The following NEIL3 variants were observed in gnomAD, a reference collection of about 807,000 sequenced individuals.
The protein encoded by NEIL3 is endonuclease 8-like 3.
NEIL3 carries 48 observed loss-of-function variants against 57.5 expected under a neutral mutation model. The ratio of observed to expected loss-of-function variants is 0.83; its 90% confidence interval spans 0.66 to 1.06. NEIL3 has a LOEUF of 1.06. Among genes scored for constraint, NEIL3 ranks in the 50% least tolerant of loss-of-function variants. The pLI is 0.00. For missense variants in NEIL3, 717 were observed against 739.1 expected (o/e 0.97, Z 0.35); for synonymous variants, 261 against 253.2 (o/e 1.03, Z -0.29).
chr4:177,341,484 A>G lies in NEIL3; in HGVS notation c.711A>G (p.Lys237=), dbSNP rs778996843. 2 of 1,574,394 alleles carry G rather than the reference A, an allele frequency of 1.3e-6. No homozygotes were observed. Among genetic ancestry groups the G allele is most frequent in the Admixed American group, 1.9e-5 (1 of 51,886 alleles). The change falls in exon 6 of 10, where the codon AAA becomes AAG. Residue 237 remains lysine, a synonymous_variant. Coordinates refer to ENST00000264596, the MANE Select transcript of NEIL3 (RefSeq NM_018248.3). ...DFSILFYRCR[K]AGLALSKHYK... ...GTTTTTTTTTTTTTTAGTGCCGTAA[A>G]GCAGGACTTGCTCTCTCTAAACACT...
At chr4:177,346,428 C>T (rs564294788) in intron 6 of NEIL3, among the ~76,000 whole-genome samples, 2 of 152,230 alleles carry the variant, frequency 1.3e-5, no homozygotes, top group East Asian at 3.9e-4. Context: ...CTCAGCTGTC[C>T]AGAGTGTTGG....
At chr4:177,338,892 T>C (rs1424166926) in intron 4 of NEIL3, among the ~76,000 whole-genome samples, 1 of 152,172 alleles carries the variant, frequency 6.6e-6, no homozygotes, top group African/African-American at 2.4e-5. Flanking sequence ...CTTCTCAAGG[T>C]GTCTGATAGA....
intron 8 of NEIL3, among the ~76,000 whole-genome samples, chr4:177,358,284 G>A (rs568097101): frequency 1.1e-4 from 16 of 152,130 alleles, no homozygotes; most frequent in African/African-American, 2.4e-4. Flanking sequence ...AAGATCACAC[G>A]TGGCTATGTT....
intron 6 of NEIL3, among the ~76,000 whole-genome samples, chr4:177,347,578 G>T (rs1487819175): frequency 6.6e-6 from 1 of 152,160 alleles, no homozygotes; most frequent in Non-Finnish European, 1.5e-5. Context: ...GTGTGGAATA[G>T]AGACGGTCAT....
chr4:177,363,120 T>C (rs984694336), downstream of NEIL3, among the ~76,000 whole-genome samples: 3 of 152,248 alleles, frequency 2.0e-5, no homozygotes, highest in Non-Finnish European at 4.4e-5. Flanking sequence ...GAGAGGTTGA[T>C]TTATATTTTT....
At chr4:177,315,043 T>C (rs1290021152) in intron 1 of NEIL3, among the ~76,000 whole-genome samples, 1 of 131,218 alleles carries the variant, frequency 7.6e-6, no homozygotes, top group South Asian at 2.4e-4. Context: ...CACTCGAGCC[T>C]GGGCAACAGA....
chr4:177,364,386 C>A (rs958876904), downstream of NEIL3, among the ~76,000 whole-genome samples: 1 of 152,154 alleles, frequency 6.6e-6, no homozygotes, highest in Non-Finnish European at 1.5e-5. Context: ...TTTTTTACAG[C>A]TTTTGTCCTG....
chr4:177,322,541 G>T lies in NEIL3; in HGVS notation c.239G>T (p.Gly80Val), dbSNP rs777079196. 6.2e-7 allele frequency: 1 copy of T among 1,613,782 alleles called. No homozygotes were observed. Among genetic ancestry groups the T allele is most frequent in the Non-Finnish European group, 8.5e-7 (1 of 1,179,868 alleles). Residue 80 changes from glycine to valine, a missense_variant, in exon 2 of 10, where the codon GGG becomes GTG. Transcript: ENST00000264596. ...GTTTACAGTGGCGTGGAAACTTTGGGGAAGGAGCTCTTTATGTACTTTGGA... is the reference window on the plus strand; with the variant it reads ...GTTTACAGTGGCGTGGAAACTTTGGTGAAGGAGCTCTTTATGTACTTTGGA... ...GYVYSGVETL[G>V]KELFMYFGPK...
At position 177,309,957 on chromosome 4, in the gene NEIL3, G is replaced by A; in HGVS notation, c.4G>A (p.Val2Met). 6.2e-7 allele frequency: 1 copy of A among 1,607,706 alleles called. No individual in the cohort carries two copies. Among genetic ancestry groups the A allele is most frequent in the Non-Finnish European group, 8.5e-7 (1 of 1,177,472 alleles). M[V>M]EGPGCTLNGE... is the part of the protein sequence containing the mutation. ...GGCCACAGTGCCGGCCACAGAGATG[G>A]TGGAAGGACCAGGCTGTACTCTGAA... Residue 2 changes from valine (V) to methionine (M), a missense_variant, in exon 1 of 10, where the codon GTG becomes ATG. Coordinates refer to ENST00000264596, the MANE Select transcript of NEIL3 (RefSeq NM_018248.3).
chr4:177,336,422 C>T (rs1421044765), intron 4 of NEIL3, 101 bp downstream of exon 4: 1 of 870,050 alleles, frequency 1.1e-6, no homozygotes, highest in Non-Finnish European at 1.8e-6. Flanking sequence ...ACAGTCTCAT[C>T]AGACTTCAGG....
At chr4:177,335,092 CTT>C (rs963241302) in intron 2 of NEIL3, among the ~76,000 whole-genome samples, 3 of 150,712 alleles carry the variant, frequency 2.0e-5, no homozygotes, top group South Asian at 2.1e-4. Context: ...CTTGTTCTCT[CTT>C]TTTTTTTGAT....
At chr4:177,315,600 C>A (rs1298198457) in intron 1 of NEIL3, among the ~76,000 whole-genome samples, 3 of 152,128 alleles carry the variant, frequency 2.0e-5, no homozygotes, top group Non-Finnish European at 4.4e-5. Context: ...GCAGTGATAA[C>A]CCTAGATTCT....
chr4:177,314,873 T>C (rs1345145727), intron 1 of NEIL3, among the ~76,000 whole-genome samples: 1 of 151,824 alleles, frequency 6.6e-6, no homozygotes, highest in Non-Finnish European at 1.5e-5. Flanking sequence ...GTCAGGAGAT[T>C]GAGACCATTC....
At chr4:177,311,534 C>T (rs375399603) in intron 1 of NEIL3, among the ~76,000 whole-genome samples, 4 of 152,012 alleles carry the variant, frequency 2.6e-5, no homozygotes, top group East Asian at 3.9e-4. Context: ...ATTAGTCAGG[C>T]ATGCTGGTGC....
chr4:177,353,947 G>T (rs1247941210), intron 8 of NEIL3: 4 of 478,314 alleles, frequency 8.4e-6, no homozygotes, highest in Non-Finnish European at 1.5e-5. Flanking sequence ...TGTATTTTCA[G>T]TAGAGACGGG....
intron 6 of NEIL3, among the ~76,000 whole-genome samples, chr4:177,346,449 A>G (rs533124870): frequency 6.6e-6 from 1 of 152,202 alleles, no homozygotes; most frequent in Non-Finnish European, 1.5e-5. Context: ...AACTACAGGC[A>G]TAAGCCACCG....
intron 1 of NEIL3, among the ~76,000 whole-genome samples, chr4:177,311,345 AGGAAGACCTG>A (rs1734472028): frequency 6.6e-6 from 1 of 152,100 alleles, no homozygotes; most frequent in Non-Finnish European, 1.5e-5. Context: ...AAGGACTTGT[AGGAAGACCTG>A]GGAAGGCTTC....
At chr4:177,345,714 G>T (rs1054544864) in intron 6 of NEIL3, among the ~76,000 whole-genome samples, 2 of 113,104 alleles carry the variant, frequency 1.8e-5, no homozygotes, top group African/African-American at 3.5e-5. Context: ...TCTTGAGACA[G>T]AGTCTCAATC....
intron 1 of NEIL3, among the ~76,000 whole-genome samples, chr4:177,315,560 T>C (rs1361550337): frequency 1.3e-5 from 2 of 152,236 alleles, no homozygotes; most frequent in African/African-American, 4.8e-5. Context: ...AAATTAGTTT[T>C]TGAATTTGGG....
Sources: gnomAD v4.1 joint callset for allele counts (sites outside exome capture counted in the v4.1 genomes callset) on GRCh38, gnomAD v4.1.1 for gene constraint, MANE v1.5 for transcripts, NCBI Gene and HGNC (gene_info 2026-07-23, HGNC 2026-07-21) for gene names.